Variants in ENTREP2 observed in about 807,000 individuals in gnomAD.
ENTREP2 encodes protein ENTREP2.
chr15:29,652,469 C>G, the ENTREP2 span, among the ~76,000 whole-genome samples: 1 of 152,246 alleles, frequency 6.6e-6, no homozygotes, highest in African/African-American at 2.4e-5. Flanking sequence ...TGCTGTAACA[C>G]AAACAGGGCT....
chr15:29,276,289 T>C, the ENTREP2 span, among the ~76,000 whole-genome samples: 742 of 152,358 alleles, frequency 4.9e-3, 18 homozygotes, highest in Admixed American at 0.037. Flanking sequence ...CCTTTACTTA[T>C]GAAAATCATT....
chr15:29,383,512 T>C, the ENTREP2 span, among the ~76,000 whole-genome samples: 5 of 152,138 alleles, frequency 3.3e-5, no homozygotes, highest in Non-Finnish European at 5.9e-5. Flanking sequence ...TGAAGACAAA[T>C]TGCTCACGCT....
At chr15:29,502,487 G>GA in the ENTREP2 span, among the ~76,000 whole-genome samples, 1,570 of 149,422 alleles carry the variant, frequency 0.011, 16 homozygotes, top group African/African-American at 0.036. Flanking sequence ...AAAAATCCTA[G>GA]AAAAAAAAAG....
At chr15:29,523,089 G>A in the ENTREP2 span, among the ~76,000 whole-genome samples, 107 of 152,158 alleles carry the variant, frequency 7.0e-4, no homozygotes, top group African/African-American at 2.3e-3. Context: ...TCTCATCTCC[G>A]ACTGACCTTG....
the ENTREP2 span, among the ~76,000 whole-genome samples, chr15:29,148,313 A>G: frequency 6.6e-6 from 1 of 152,204 alleles, no homozygotes; most frequent in Non-Finnish European, 1.5e-5. Context: ...GACAGCTGTT[A>G]CCCGATCCCC....
At chr15:29,486,605 G>A in the ENTREP2 span, among the ~76,000 whole-genome samples, 3 of 152,286 alleles carry the variant, frequency 2.0e-5, no homozygotes, top group Admixed American at 6.5e-5. Flanking sequence ...CAAGAGAATC[G>A]CTTGGACCTG....
chr15:29,137,197 G>T, the ENTREP2 span: 159 of 1,473,658 alleles, frequency 1.1e-4, no homozygotes, highest in African/African-American at 2.2e-3. Flanking sequence ...GGAAGGAACT[G>T]GAAAACAGAG....
At chr15:29,141,854 T>C in the ENTREP2 span, among the ~76,000 whole-genome samples, 1 of 152,218 alleles carries the variant, frequency 6.6e-6, no homozygotes, top group African/African-American at 2.4e-5. Context: ...GAGCCCGCCC[T>C]GCGGCCCCCT....
the ENTREP2 span, among the ~76,000 whole-genome samples, chr15:29,199,293 G>A: frequency 6.6e-5 from 10 of 152,290 alleles, no homozygotes; most frequent in East Asian, 1.5e-3. Flanking sequence ...AGTACTGGAA[G>A]AGGTACTTCT....
chr15:29,226,472 T>A, the ENTREP2 span, among the ~76,000 whole-genome samples: 4 of 152,324 alleles, frequency 2.6e-5, no homozygotes, highest in African/African-American at 9.6e-5. Flanking sequence ...AAATTTCTCA[T>A]GAAGCCAAGA....
At chr15:29,562,783 T>C in the ENTREP2 span, among the ~76,000 whole-genome samples, 1 of 107,662 alleles carries the variant, frequency 9.3e-6, no homozygotes, top group Non-Finnish European at 2.2e-5. Flanking sequence ...TGTTTTTGTT[T>C]TGTATTTGTT....
the ENTREP2 span, among the ~76,000 whole-genome samples, chr15:29,534,755 A>G: frequency 2.0e-5 from 3 of 152,176 alleles, no homozygotes; most frequent in African/African-American, 7.2e-5. Context: ...AGTGGTGCCA[A>G]TTCCTGAGAC....
the ENTREP2 span, among the ~76,000 whole-genome samples, chr15:29,320,768 GAC>G: frequency 6.6e-6 from 1 of 152,200 alleles, no homozygotes; most frequent in Non-Finnish European, 1.5e-5. Flanking sequence ...AAGTAGACCA[GAC>G]ACAGCTGAGG....
the ENTREP2 span, among the ~76,000 whole-genome samples, chr15:29,591,401 A>AC: frequency 6.6e-6 from 1 of 152,120 alleles, no homozygotes; most frequent in Non-Finnish European, 1.5e-5. Context: ...GGATAAGCAG[A>AC]CCCCATATGT....
the ENTREP2 span, among the ~76,000 whole-genome samples, chr15:29,388,507 A>T: frequency 2.6e-5 from 4 of 152,336 alleles, no homozygotes; most frequent in African/African-American, 9.6e-5. Context: ...GAACACTTTT[A>T]CACTGTTGTG....
the ENTREP2 span, among the ~76,000 whole-genome samples, chr15:29,637,483 T>C: frequency 1.3e-5 from 2 of 152,234 alleles, no homozygotes; most frequent in African/African-American, 4.8e-5. Flanking sequence ...ATTGAGCTCA[T>C]GTTCCCTTGT....
At chr15:29,545,763 AT>A in the ENTREP2 span, among the ~76,000 whole-genome samples, 39 of 152,102 alleles carry the variant, frequency 2.6e-4, no homozygotes, top group South Asian at 6.2e-4. Flanking sequence ...GTTAGAATAC[AT>A]TTTTTTAAGT....
the ENTREP2 span, among the ~76,000 whole-genome samples, chr15:29,292,898 G>A: frequency 1.3e-5 from 2 of 152,154 alleles, no homozygotes; most frequent in African/African-American, 2.4e-5. Context: ...ACCAGATGCA[G>A]GCCAAATACA....
chr15:29,485,166 TG>T, the ENTREP2 span, among the ~76,000 whole-genome samples: 1 of 152,074 alleles, frequency 6.6e-6, no homozygotes, highest in African/African-American at 2.4e-5. Context: ...GTCAGAATAA[TG>T]GAAACAGTAA....
Sources: allele counts gnomAD v4.1 joint callset (sites outside exome capture counted in the v4.1 genomes callset), GRCh38; gene constraint gnomAD v4.1.1; transcripts MANE v1.5; gene names NCBI Gene and HGNC (gene_info 2026-07-23, HGNC 2026-07-21).